Variants in TLE1 observed in about 807,000 individuals in gnomAD.
The protein encoded by TLE1 is transducin-like enhancer protein 1.
TLE1 carries 21 observed loss-of-function variants against 89.8 expected under a neutral mutation model. The observed-to-expected ratio is 0.23, with a 90% CI of 0.17 to 0.34. TLE1 has a LOEUF of 0.34. Ranked by LOEUF, TLE1 falls within the 10% of genes least tolerant of loss-of-function variation. The pLI, the probability that TLE1 is intolerant of heterozygous loss-of-function variation, is 1.00. For missense variants in TLE1, 795 were observed against 1,031.2 expected (o/e 0.77, Z 3.14); for synonymous variants, 447 against 407.6 (o/e 1.10, Z -1.16).
In TLE1 at chr9:81,688,530, C is replaced by A; in HGVS notation, c.-290G>T. The A allele has an allele frequency of 2.9e-6, 1 of 339,968 alleles. No homozygotes were observed. Among genetic ancestry groups the A allele is most frequent in the Non-Finnish European group, 5.3e-6 (1 of 190,342 alleles). The allele number at this position is 339,968 out of a possible 1,614,324, so 21.1% of individuals were successfully genotyped here. On this transcript the variant is annotated 5_prime_UTR_variant, in exon 1 of 20. Transcript: ENST00000376499. ...ACGTCGGGCGCTCGGGGACTGTGCG[C>A]GGGGGCAGCGCTCCAACCCCCGGCC...
Position 81,685,677 on chromosome 9 carries a change from T to C in TLE1, c.233A>G (p.Gln78Arg). 1 of 1,613,468 alleles carries C rather than the reference T, an allele frequency of 6.2e-7. No homozygotes were observed. Among genetic ancestry groups the C allele is most frequent in the Non-Finnish European group, 8.5e-7 (1 of 1,179,596 alleles). Residue 78 changes from glutamine (Q) to arginine (R), a missense_variant and splice_region_variant, in exon 4 of 20, where the codon CAG becomes CGG. Physicochemically the swap from Gln to Arg is conservative, Grantham distance 43. Around this residue, in one of 4 missense-constraint regions of TLE1, gnomAD observed 66 missense variants for 118.7 expected, o/e 0.56. Coordinates refer to ENST00000376499, the MANE Select transcript of TLE1 (RefSeq NM_005077.5). ...GCTTGAAGTTCAACTAAAGCTTACCTGTTTGTGCATTTCAATGTTTAATCC... is the reference window on the plus strand; with the variant it reads ...GCTTGAAGTTCAACTAAAGCTTACCCGTTTGTGCATTTCAATGTTTAATCC... The part of the protein sequence containing the change: ...SYGLNIEMHK[Q>R]TEIAKRLNTI...
At chr9:81,657,009 T>C (rs891759112) in intron 4 of TLE1, among the ~76,000 whole-genome samples, 64 of 152,182 alleles carry the variant, frequency 4.2e-4, no homozygotes, top group African/African-American at 1.5e-3. Context: ...CAATATTGAG[T>C]TTTGTTGACC....
In TLE1 at chr9:81,630,046, T is replaced by C. The variant is rs140694894; in HGVS notation, c.594+3302A>G. Among the ~76,000 whole-genome samples the C allele has an allele frequency of 6.9e-3, 1,047 of 152,162 alleles. 6 individuals are homozygous for C. Among genetic ancestry groups the C allele is most frequent in the Non-Finnish European group, 0.012 (842 of 68,002 alleles). On this transcript the variant is annotated intron_variant, in intron 8 of 19. Transcript: ENST00000376499. ...TTTTAGGCTCACAGATAAAAATCCA[T>C]ACACACCCACATTCCCTGCGGATCC...
intron 14 of TLE1, among the ~76,000 whole-genome samples, chr9:81,602,612 T>C (rs1831086421): frequency 6.6e-6 from 1 of 152,172 alleles, no homozygotes; most frequent in South Asian, 2.1e-4. Context: ...CTCAAAAAGT[T>C]TCAGATTTTG....
chr9:81,629,974 C>T (rs1826368198), intron 8 of TLE1, among the ~76,000 whole-genome samples: 2 of 152,094 alleles, frequency 1.3e-5, no homozygotes, highest in Admixed American at 1.3e-4. Flanking sequence ...CTTTAACTAG[C>T]AAATTAATTT....
chr9:81,681,480 G>C (rs529583447), intron 4 of TLE1, among the ~76,000 whole-genome samples: 1 of 151,812 alleles, frequency 6.6e-6, no homozygotes, highest in Admixed American at 6.6e-5. Flanking sequence ...AACCTGGGAG[G>C]CGGAGGTTGC....
chr9:81,585,395 A>G, intron 18 of TLE1, 110 bp downstream of exon 18: 1 of 1,350,694 alleles, frequency 7.4e-7, no homozygotes, highest in Non-Finnish European at 1.0e-6. Context: ...TATTGCATCC[A>G]GCTGCTCGGA....
chr9:81,613,500 C>G lies in TLE1; in HGVS notation c.940G>C (p.Val314Leu), dbSNP rs774435658. Reference sequence around the variant, plus strand: ...GGCGTTGGTGTGCTGGATTTCAGAACAGGCGTGCTGGCTTTTTCATGCTGG... The same window carrying G: ...GGCGTTGGTGTGCTGGATTTCAGAAGAGGCGTGCTGGCTTTTTCATGCTGG... Reference protein sequence around the residue: ...MSLHEKASTPVLKSSTPTPRS... With the variant: ...MSLHEKASTPLLKSSTPTPRS... Residue 314 changes from valine to leucine, a missense_variant, in exon 12 of 20, where the codon GTT (valine) becomes CTT (leucine). Physicochemically the swap from Val to Leu is conservative, Grantham distance 32. This residue lies in a region of TLE1 where 468 missense variants were observed against 509.1 expected (regional missense o/e 0.92). Transcript: ENST00000376499. 1.9e-6 allele frequency: 3 copies of G among 1,614,218 alleles called. No homozygotes were observed. The highest frequency in any genetic ancestry group is 2.2e-5 in the East Asian group (1 of 44,884).
At chr9:81,598,581 A>G (rs777644066) in intron 14 of TLE1, among the ~76,000 whole-genome samples, 2 of 152,146 alleles carry the variant, frequency 1.3e-5, no homozygotes, top group Admixed American at 6.5e-5. Flanking sequence ...TCACTTATAT[A>G]TTGAGGAAAA....
At chr9:81,596,683 T>C (rs1830261032) in intron 14 of TLE1, among the ~76,000 whole-genome samples, 1 of 152,140 alleles carries the variant, frequency 6.6e-6, no homozygotes, top group Non-Finnish European at 1.5e-5. Flanking sequence ...TACAAAATAA[T>C]GGACATGGAA....
At chr9:81,651,861 T>C (rs1829583290) in intron 6 of TLE1, among the ~76,000 whole-genome samples, 1 of 151,988 alleles carries the variant, frequency 6.6e-6, no homozygotes, top group Admixed American at 6.6e-5. Context: ...GTGCCTGCCT[T>C]TGGACCCAGC....
At chr9:81,606,309 G>A (rs536315475) in intron 14 of TLE1, among the ~76,000 whole-genome samples, 1 of 152,178 alleles carries the variant, frequency 6.6e-6, no homozygotes, top group Non-Finnish European at 1.5e-5. Context: ...CTGCTATAAA[G>A]ACACATGCAC....
intron 14 of TLE1, among the ~76,000 whole-genome samples, chr9:81,598,674 G>A (rs1416831456): frequency 6.6e-6 from 1 of 152,176 alleles, no homozygotes; most frequent in Non-Finnish European, 1.5e-5. Flanking sequence ...ACTTTTCCCA[G>A]GCAACGTCTA....
At chr9:81,616,564 C>A in intron 10 of TLE1, 82 bp downstream of exon 10, 1 of 1,497,322 alleles carries the variant, frequency 6.7e-7, no homozygotes, top group South Asian at 1.1e-5. Flanking sequence ...AGGGGCTCTA[C>A]TTCCTTCATT....
chr9:81,654,261 G>C (rs1332387617), intron 4 of TLE1, among the ~76,000 whole-genome samples: 1 of 152,194 alleles, frequency 6.6e-6, no homozygotes, highest in Non-Finnish European at 1.5e-5. Flanking sequence ...AATAAGAGAT[G>C]AGTAGTTTGA....
At chr9:81,629,526 T>C (rs918029143) in intron 8 of TLE1, among the ~76,000 whole-genome samples, 1 of 152,190 alleles carries the variant, frequency 6.6e-6, no homozygotes, top group African/African-American at 2.4e-5. Flanking sequence ...TAAGAAACTT[T>C]AAAGCAGTTT....
intron 4 of TLE1, among the ~76,000 whole-genome samples, chr9:81,654,313 T>G (rs1829897654): frequency 6.6e-6 from 1 of 152,102 alleles, no homozygotes; most frequent in Non-Finnish European, 1.5e-5. Context: ...ATATGATCAT[T>G]TAATATGGTG....
chr9:81,688,268 C>A lies in TLE1; in HGVS notation c.-28G>T. On this transcript the variant is annotated 5_prime_UTR_variant, in exon 1 of 20. Coordinates refer to ENST00000376499, the MANE Select transcript of TLE1 (RefSeq NM_005077.5). Reference sequence around the variant, plus strand: ...CTCTGGCGGCGGCCGGGGCTCTGTTCCCCGGCAACTCAATTCTCCGGTCAA... The same window carrying A: ...CTCTGGCGGCGGCCGGGGCTCTGTTACCCGGCAACTCAATTCTCCGGTCAA... 1 of 1,558,838 alleles carries A rather than the reference C, an allele frequency of 6.4e-7. No individual in the cohort carries two copies. Among genetic ancestry groups the A allele is most frequent in the African/African-American group, 1.4e-5 (1 of 70,426 alleles).
chr9:81,678,760 A>G (rs1022267662), intron 4 of TLE1, among the ~76,000 whole-genome samples: 8 of 151,874 alleles, frequency 5.3e-5, no homozygotes, highest in African/African-American at 1.9e-4. Flanking sequence ...AATCCCGGCT[A>G]CTCAGGGAGG....
Sources: allele counts gnomAD v4.1 joint callset (sites outside exome capture counted in the v4.1 genomes callset), GRCh38; gene constraint gnomAD v4.1.1; regional missense constraint gnomAD v4.1.1; transcripts MANE v1.5; gene names NCBI Gene and HGNC (gene_info 2026-07-23, HGNC 2026-07-21).